SMAD6: variants seen among roughly 807,000 people sequenced by gnomAD.
The protein encoded by SMAD6 is MAD homolog 6.
Under a neutral mutation model 39.4 loss-of-function variants are expected in SMAD6, and 103 were observed. That is an observed-to-expected ratio of 2.62 (90% CI 2.23 to 3.08). The LOEUF (loss-of-function observed/expected upper bound fraction) is 3.08. Among genes scored for constraint, SMAD6 ranks in the 30% most tolerant of loss-of-function variants. The pLI is 0.00. For missense variants in SMAD6, 1,104 were observed against 742.9 expected, an observed-to-expected ratio of 1.49 and a Z score of -5.65; for synonymous variants, 445 against 353.3, an observed-to-expected ratio of 1.26 and a Z score of -2.91.
intron 3 of SMAD6, among the ~76,000 whole-genome samples, chr15:66,777,682 G>A (rs1259386581): frequency 6.6e-6 from 1 of 152,126 alleles, no homozygotes; most frequent in Non-Finnish European, 1.5e-5. Flanking sequence ...CACCTGTTAA[G>A]GCCAAGGGAG....
chr15:66,739,877 C>T (rs1893783193), intron 3 of SMAD6, among the ~76,000 whole-genome samples: 1 of 152,168 alleles, frequency 6.6e-6, no homozygotes, highest in Non-Finnish European at 1.5e-5. Flanking sequence ...GAGGCTCCAG[C>T]GCTCCTCCCA....
chr15:66,728,362 C>T (rs557003854), intron 3 of SMAD6, among the ~76,000 whole-genome samples: 4 of 151,968 alleles, frequency 2.6e-5, no homozygotes, highest in Non-Finnish European at 5.9e-5. Context: ...AATATAGCTT[C>T]TTTAACTCAA....
intron 3 of SMAD6, among the ~76,000 whole-genome samples, chr15:66,738,948 C>T (rs1253800370): frequency 5.9e-5 from 9 of 152,256 alleles, no homozygotes; most frequent in African/African-American, 2.2e-4. Context: ...CCTCATCTGG[C>T]TGCAAATGGG....
chr15:66,775,362 GTTTA>G (rs1356847902), intron 3 of SMAD6, among the ~76,000 whole-genome samples: 2 of 152,122 alleles, frequency 1.3e-5, no homozygotes, highest in Non-Finnish European at 2.9e-5. Context: ...CCTAGTTTTT[GTTTA>G]TTGGTTTTCT....
At chr15:66,766,909 A>G (rs1315897586) in intron 3 of SMAD6, among the ~76,000 whole-genome samples, 2 of 152,192 alleles carry the variant, frequency 1.3e-5, no homozygotes, top group African/African-American at 4.8e-5. Flanking sequence ...TGAAAAGTTA[A>G]CCTTGGCAAT....
intron 2 of SMAD6, among the ~76,000 whole-genome samples, chr15:66,712,875 C>T (rs527276667): frequency 1.3e-4 from 20 of 152,076 alleles, no homozygotes; most frequent in African/African-American, 4.8e-4. Context: ...GGTGTGGTGG[C>T]TCAGGCCTGT....
intron 3 of SMAD6, among the ~76,000 whole-genome samples, chr15:66,727,403 A>G (rs2140620388): frequency 6.6e-6 from 1 of 152,282 alleles, no homozygotes; most frequent in Admixed American, 6.5e-5. Flanking sequence ...GTGCCCAGCC[A>G]TAAATGCTGT....
intron 3 of SMAD6, among the ~76,000 whole-genome samples, chr15:66,768,682 C>T (rs1894330643): frequency 6.6e-6 from 1 of 152,218 alleles, no homozygotes. Flanking sequence ...AACATCCTGA[C>T]CTCTGAGCAT....
intron 1 of SMAD6, chr15:66,705,033 A>G (rs976507280): frequency 2.0e-5 from 3 of 152,394 alleles, no homozygotes; most frequent in Non-Finnish European, 4.4e-5. Flanking sequence ...TGAGGGATGT[A>G]TGGGAATCCA....
chr15:66,716,273 G>A, intron 2 of SMAD6, 148 bp from the exon 3 acceptor site: 1 of 646,830 alleles, frequency 1.5e-6, no homozygotes, highest in South Asian at 1.8e-5. Context: ...GGGTTACAGG[G>A]TGACATCAGA....
intron 3 of SMAD6, among the ~76,000 whole-genome samples, chr15:66,755,044 C>A (rs547899760): frequency 6.6e-6 from 1 of 152,210 alleles, no homozygotes; most frequent in Non-Finnish European, 1.5e-5. Context: ...CTGTAAATTA[C>A]TGCACACTCT....
chr15:66,744,994 A>T (rs570600464), intron 3 of SMAD6, among the ~76,000 whole-genome samples: 1 of 152,098 alleles, frequency 6.6e-6, no homozygotes, highest in African/African-American at 2.4e-5. Context: ...GAGAGGGTCA[A>T]TTGCCAAGAA....
intron 3 of SMAD6, among the ~76,000 whole-genome samples, chr15:66,719,393 C>G (rs1364995376): frequency 6.6e-6 from 1 of 152,194 alleles, no homozygotes; most frequent in Non-Finnish European, 1.5e-5. Context: ...GCTCCGTGCC[C>G]TTCCAGGCCA....
intron 3 of SMAD6, among the ~76,000 whole-genome samples, chr15:66,772,841 C>G (rs1197481376): frequency 1.3e-5 from 2 of 152,206 alleles, no homozygotes; most frequent in Non-Finnish European, 2.9e-5. Flanking sequence ...ACATCCTGGT[C>G]CCAGCTGTGT....
chr15:66,718,542 A>T (rs1893375551), intron 3 of SMAD6, among the ~76,000 whole-genome samples: 1 of 152,140 alleles, frequency 6.6e-6, no homozygotes. Context: ...AAGGACATTG[A>T]GTGAGGTCTT....
intron 2 of SMAD6, among the ~76,000 whole-genome samples, chr15:66,715,204 T>A (rs1425974495): frequency 6.6e-6 from 1 of 151,456 alleles, no homozygotes; most frequent in Non-Finnish European, 1.5e-5. Flanking sequence ...AGTTCACTTC[T>A]AAGCCTCTGT....
At chr15:66,745,181 C>T (rs766072057) in intron 3 of SMAD6, among the ~76,000 whole-genome samples, 2 of 152,178 alleles carry the variant, frequency 1.3e-5, no homozygotes, top group African/African-American at 2.4e-5. Context: ...TCCCTGGCTG[C>T]CCCTCTGTTT....
In SMAD6 at chr15:66,703,626, CG is replaced by C; in HGVS notation, c.370del (p.Val124Ter). ...PGWLPESDCE[T>X]VTCCLFSERD... ...TGGCTGCCCGAGAGTGACTGCGAGA[CG>C]GTGACCTGCTGTCTCTTTTCGGAGC... On this transcript the variant is annotated frameshift_variant, in exon 1 of 4. Transcript: ENST00000288840. LOFTEE classifies it high-confidence loss of function. The C allele has an allele frequency of 8.1e-7, 1 of 1,230,906 alleles. No homozygotes were observed. The highest frequency in any genetic ancestry group is 1.0e-6 in the Non-Finnish European group (1 of 984,600). 76.2% of individuals were successfully genotyped at this position (1,230,906 alleles called of 1,614,324 possible).
chr15:66,778,563 G>A (rs745869344), intron 3 of SMAD6, among the ~76,000 whole-genome samples: 1 of 152,190 alleles, frequency 6.6e-6, no homozygotes, highest in Non-Finnish European at 1.5e-5. Context: ...CAAGAGTGGG[G>A]ATAGTGACAC....
Sources: allele counts gnomAD v4.1 joint callset (sites outside exome capture counted in the v4.1 genomes callset), GRCh38; gene constraint gnomAD v4.1.1; transcripts MANE v1.5; gene names NCBI Gene and HGNC (gene_info 2026-07-23, HGNC 2026-07-21).